POLA1: variants seen among roughly 807,000 people sequenced by gnomAD.
POLA1 encodes the protein DNA polymerase alpha 1, catalytic subunit.
A neutral mutation model predicts 124.0 loss-of-function variants in POLA1; 15 were observed. That is an observed-to-expected ratio of 0.12 (90% CI 0.08 to 0.19). POLA1 has a LOEUF of 0.19. POLA1 is among the 10% of genes least tolerant of loss of function. The pLI is 1.00. For synonymous variants in POLA1, 408 were observed against 389.4 expected (o/e 1.05, Z -0.56); for missense variants, 886 against 1,103.4 (o/e 0.80, Z 2.79).
chrX:24,994,085 T>G (rs1027345294), intron 36 of POLA1, among the ~76,000 whole-genome samples: 4 of 112,500 alleles, frequency 3.6e-5, no homozygotes, highest in African/African-American at 1.3e-4. Flanking sequence ...ATTTGTGTCA[T>G]TCACATGCAC....
In POLA1 at chrX:24,757,600, C is replaced by T. The variant is rs769129223; in HGVS notation, c.2964+8608C>T. 2.4e-4 allele frequency among the ~76,000 whole-genome samples: 26 copies of T among 108,768 alleles called. No individual in the cohort carries two copies. The East Asian group carries it at 7.2e-3, about 30-fold the overall frequency. The allele number at this position is 108,768 out of a possible 115,157, so 94.5% of individuals were successfully genotyped here. ...GACTACAGGCGCCCGCCACCATGCCCGGCTAATGTTTTGTATTGTTAGTAG... is the reference window on the plus strand; with the variant it reads ...GACTACAGGCGCCCGCCACCATGCCTGGCTAATGTTTTGTATTGTTAGTAG... On this transcript the variant is annotated intron_variant, in intron 26 of 36. Coordinates refer to ENST00000379068, the MANE Select transcript of POLA1 (RefSeq NM_001330360.2).
At chrX:24,883,580 A>G (rs1366641539) in intron 34 of POLA1, among the ~76,000 whole-genome samples, 1 of 112,145 alleles carries the variant, frequency 8.9e-6, no homozygotes, top group Non-Finnish European at 1.9e-5. Flanking sequence ...TTTCATACAC[A>G]ATGATTTTAA....
chrX:24,799,045 G>A (rs1175560289), intron 26 of POLA1, among the ~76,000 whole-genome samples: 3 of 112,009 alleles, frequency 2.7e-5, no homozygotes, highest in Non-Finnish European at 5.6e-5. Context: ...TCTAGAAAGT[G>A]TGGTCATGAT....
intron 26 of POLA1, among the ~76,000 whole-genome samples, chrX:24,766,796 A>G (rs1932914832): frequency 8.9e-6 from 1 of 111,797 alleles, no homozygotes; most frequent in South Asian, 3.8e-4. Context: ...AAATTATTCT[A>G]TGTGAAAATT....
intron 26 of POLA1, among the ~76,000 whole-genome samples, chrX:24,761,913 T>C (rs1351884702): frequency 8.9e-6 from 1 of 111,904 alleles, no homozygotes; most frequent in Non-Finnish European, 1.9e-5. Context: ...CTTGGGAAGC[T>C]AAACTTGTGA....
At chrX:24,784,386 C>T (rs1017015097) in intron 26 of POLA1, among the ~76,000 whole-genome samples, 1 of 110,943 alleles carries the variant, frequency 9.0e-6, no homozygotes, top group Admixed American at 9.6e-5. Flanking sequence ...ACTGAGCCTG[C>T]CTAGATGATG....
intron 28 of POLA1, among the ~76,000 whole-genome samples, chrX:24,812,116 G>A (rs2045911626): frequency 8.9e-6 from 1 of 112,442 alleles, no homozygotes; most frequent in Non-Finnish European, 1.9e-5. Context: ...TTCCCTGGAG[G>A]TGATGTTCTG....
chrX:24,859,920 G>A (rs980954950), intron 34 of POLA1, among the ~76,000 whole-genome samples: 2 of 112,477 alleles, frequency 1.8e-5, no homozygotes, highest in African/African-American at 6.5e-5. Context: ...ATCACCTTAG[G>A]AATCTCTAAG....
intron 34 of POLA1, among the ~76,000 whole-genome samples, chrX:24,845,053 T>C (rs1317755172): frequency 8.9e-6 from 1 of 112,006 alleles, no homozygotes; most frequent in African/African-American, 3.2e-5. Context: ...ATAGTCTGTT[T>C]TGACTAAGTT....
At chrX:24,930,017 A>G (rs1356908860) in intron 35 of POLA1, among the ~76,000 whole-genome samples, 1 of 112,109 alleles carries the variant, frequency 8.9e-6, no homozygotes, top group Admixed American at 9.4e-5. Flanking sequence ...GTCACCACAA[A>G]TCATAAAACG....
Position 24,944,986 on chromosome X carries a change from G to A in POLA1, c.4261+14437G>A, listed in dbSNP as rs369881884. Reference sequence around the variant, plus strand: ...GCCTGGGTTTCTCAAAAGCAATATAGGGTAGTGATTAAAAACTCAGTCTCT... The same window carrying A: ...GCCTGGGTTTCTCAAAAGCAATATAAGGTAGTGATTAAAAACTCAGTCTCT... On this transcript the variant is annotated intron_variant, in intron 36 of 36. Transcript: ENST00000379068. Among the ~76,000 whole-genome samples the A allele has an allele frequency of 5.4e-5, 6 of 111,780 alleles. No homozygotes were observed. The East Asian group carries it at 1.4e-3, about 26-fold the overall frequency.
intron 35 of POLA1, among the ~76,000 whole-genome samples, chrX:24,912,345 A>G (rs1041586543): frequency 8.9e-6 from 1 of 112,337 alleles, no homozygotes; most frequent in Non-Finnish European, 1.9e-5. Flanking sequence ...ATTGTGATCC[A>G]TAAAAGAAAA....
chrX:24,819,573 T>C lies in POLA1; in HGVS notation c.3430-1879T>C, dbSNP rs1461069893. Among the ~76,000 whole-genome samples, 3 of 112,150 alleles carry C rather than the reference T, an allele frequency of 2.7e-5. No individual in the cohort carries two copies. The East Asian group carries it at 8.3e-4, about 31-fold the overall frequency. Reference sequence around the variant, plus strand: ...CAATCTTTGTTTTTCAGATGTGCCTTGTGTGTACTTTGTTTTATCTCACAA... The same window carrying C: ...CAATCTTTGTTTTTCAGATGTGCCTCGTGTGTACTTTGTTTTATCTCACAA... On this transcript the variant is annotated intron_variant, in intron 30 of 36. Coordinates refer to ENST00000379068, the MANE Select transcript of POLA1 (RefSeq NM_001330360.2).
chrX:24,930,315 T>C, intron 35 of POLA1, 138 bp from the exon 36 acceptor site: 1 of 472,186 alleles, frequency 2.1e-6, no homozygotes, highest in Non-Finnish European at 3.8e-6. Context: ...AGTATGATTC[T>C]GCCCTTCTTA....
rs749284820 is a variant in POLA1 at position 24,732,607 on chromosome X, T to TTG, written c.1771+154_1771+155insGT. 2.5e-3 allele frequency among the ~76,000 whole-genome samples: 269 copies of TTG among 108,461 alleles called. 5 individuals are homozygous for TTG. Among genetic ancestry groups the TTG allele is most frequent in the Middle Eastern group, 4.6e-3 (1 of 216 alleles). The allele number at this position is 108,461 out of a possible 115,157, so 94.2% of individuals were successfully genotyped here. A position where few individuals can be genotyped will look rare whatever the true frequency, so the allele number is the denominator to read the frequency against. On this transcript the variant is annotated intron_variant, in intron 16 of 36. Coordinates refer to ENST00000379068, the MANE Select transcript of POLA1 (RefSeq NM_001330360.2). The stretch of plus-strand genomic sequence containing the variant: ...GGGTTTTGTTTTTTTTTGTTTTTTT[T>TTG]TTTTTTGCCATGGAAACTAAGTTTT...
At chrX:24,819,406 T>C (rs1321768824) in intron 30 of POLA1, among the ~76,000 whole-genome samples, 1 of 110,740 alleles carries the variant, frequency 9.0e-6, no homozygotes, top group East Asian at 2.8e-4. Flanking sequence ...CTCACTTTTT[T>C]TTTGAGAAAT....
intron 34 of POLA1, among the ~76,000 whole-genome samples, chrX:24,873,464 C>T (rs1248526145): frequency 2.7e-5 from 3 of 111,795 alleles, no homozygotes; most frequent in Non-Finnish European, 3.8e-5. Context: ...TGAAGACAAC[C>T]TGTTGTTGAT....
chrX:24,975,149 C>A (rs896425537), intron 36 of POLA1, among the ~76,000 whole-genome samples: 1 of 111,998 alleles, frequency 8.9e-6, no homozygotes, highest in Non-Finnish European at 1.9e-5. Flanking sequence ...GTAGCTGGAA[C>A]TACAGGTGTG....
intron 34 of POLA1, among the ~76,000 whole-genome samples, chrX:24,863,749 G>T (rs1335074836): frequency 1.8e-5 from 2 of 111,145 alleles, no homozygotes; most frequent in Non-Finnish European, 3.8e-5. Flanking sequence ...GCAGTCTCTT[G>T]CTGGGCTCTC....
Sources: allele counts gnomAD v4.1 joint callset (sites outside exome capture counted in the v4.1 genomes callset), GRCh38; gene constraint gnomAD v4.1.1; transcripts MANE v1.5; gene names NCBI Gene and HGNC (gene_info 2026-07-23, HGNC 2026-07-21).